Variants in TLL1 observed in about 807,000 individuals in gnomAD.
TLL1 encodes the protein tolloid like 1, also known as tolloid-like protein 1.
TLL1 carries 49 observed loss-of-function variants against 128.2 expected under a neutral mutation model. That is an observed-to-expected ratio of 0.38 (90% confidence interval 0.30 to 0.48). The LOEUF is 0.48. TLL1 is among the 20% of genes least tolerant of loss of function. The pLI is 0.96. For missense variants in TLL1, 1,123 were observed against 1,242.0 expected (o/e 0.90, Z 1.44); for synonymous variants, 454 against 418.8 (o/e 1.08, Z -1.03).
At position 165,900,210 on chromosome 4, in the gene TLL1, A is replaced by G. The variant is rs142765924; in HGVS notation, c.169+26137A>G. On this transcript the variant is annotated intron_variant, in intron 1 of 20. Transcript: ENST00000061240. ...TCCGATTTGCCAGTCTGTGTCTTTT[A>G]ATTGGGGCATTTAGCCTGTTTACAT... 2.4e-3 allele frequency among the ~76,000 whole-genome samples: 359 copies of G among 152,022 alleles called. 2 individuals carry two copies. In the East Asian group the frequency reaches 0.043, roughly 18 times the overall value.
At chr4:165,903,834 G>A (rs891102425) in intron 1 of TLL1, among the ~76,000 whole-genome samples, 1 of 151,786 alleles carries the variant, frequency 6.6e-6, no homozygotes, top group African/African-American at 2.4e-5. Context: ...CACATATTGT[G>A]GTATAATCTA....
chr4:166,005,519 T>C (rs773213511), intron 6 of TLL1, among the ~76,000 whole-genome samples: 3 of 151,872 alleles, frequency 2.0e-5, no homozygotes, highest in Non-Finnish European at 4.4e-5. Flanking sequence ...AAATAAATAA[T>C]TTGAAGAATG....
intron 15 of TLL1, among the ~76,000 whole-genome samples, chr4:166,064,295 C>T (rs1264471315): frequency 6.6e-6 from 1 of 152,034 alleles, no homozygotes; most frequent in Non-Finnish European, 1.5e-5. Flanking sequence ...GACATCTACT[C>T]CCATAGTTTT....
intron 1 of TLL1, among the ~76,000 whole-genome samples, chr4:165,899,481 C>T (rs971634799): frequency 1.3e-5 from 2 of 152,058 alleles, no homozygotes; most frequent in Non-Finnish European, 2.9e-5. Flanking sequence ...CGTTATTTAC[C>T]TAGTAGTCAT....
At chr4:166,070,771 C>T (rs1388163243) in intron 16 of TLL1, among the ~76,000 whole-genome samples, 1 of 151,796 alleles carries the variant, frequency 6.6e-6, no homozygotes, top group African/African-American at 2.4e-5. Context: ...CACTGTGTCT[C>T]GATATTTGTA....
intron 15 of TLL1, among the ~76,000 whole-genome samples, chr4:166,060,420 T>G (rs1192595457): frequency 6.6e-6 from 1 of 152,152 alleles, no homozygotes; most frequent in African/African-American, 2.4e-5. Context: ...TTAGTGTATT[T>G]AATATTTACC....
At chr4:165,944,744 A>G (rs1008812633) in intron 1 of TLL1, among the ~76,000 whole-genome samples, 13 of 152,054 alleles carry the variant, frequency 8.5e-5, no homozygotes, top group African/African-American at 3.1e-4. Context: ...TAGTGGAAAA[A>G]AATAAGATTG....
intron 1 of TLL1, among the ~76,000 whole-genome samples, chr4:165,898,422 G>C (rs1441204985): frequency 6.6e-6 from 1 of 152,142 alleles, no homozygotes; most frequent in African/African-American, 2.4e-5. Flanking sequence ...CTAGTTTATT[G>C]AGAGTTTTTA....
chr4:166,015,574 G>A (rs141028960), intron 8 of TLL1, among the ~76,000 whole-genome samples: 133 of 152,064 alleles, frequency 8.7e-4, no homozygotes, highest in African/African-American at 3.1e-3. Context: ...GGCCATAGAA[G>A]AGGGCTAGCT....
chr4:166,078,137 G>A, intron 18 of TLL1, 107 bp downstream of exon 18: 1 of 1,539,402 alleles, frequency 6.5e-7, no homozygotes, highest in East Asian at 2.3e-5. Context: ...CGAATCGTAG[G>A]CAGCTGGAAA....
At chr4:166,011,752 A>G (rs1737704843) in intron 7 of TLL1, among the ~76,000 whole-genome samples, 1 of 151,488 alleles carries the variant, frequency 6.6e-6, no homozygotes, top group Admixed American at 6.6e-5. Context: ...ACCATTGATT[A>G]TGACATTAGG....
At chr4:165,966,191 AAAAAAG>A (rs1411481874) in intron 1 of TLL1, among the ~76,000 whole-genome samples, 3 of 151,836 alleles carry the variant, frequency 2.0e-5, no homozygotes, top group Admixed American at 1.3e-4. Flanking sequence ...AAAAAAAAAA[AAAAAAG>A]AAGGATTAGA....
At chr4:165,966,256 C>A (rs1735368720) in intron 1 of TLL1, among the ~76,000 whole-genome samples, 1 of 150,586 alleles carries the variant, frequency 6.6e-6, no homozygotes, top group South Asian at 2.1e-4. Flanking sequence ...AAGGGTAGAA[C>A]AAAGCCATGA....
At chr4:165,948,047 C>T (rs893156824) in intron 1 of TLL1, among the ~76,000 whole-genome samples, 2 of 152,146 alleles carry the variant, frequency 1.3e-5, no homozygotes, top group South Asian at 2.1e-4. Context: ...TTGCCCAAAT[C>T]GTGGCATTTT....
chr4:165,883,360 T>C (rs1047464749), intron 1 of TLL1, among the ~76,000 whole-genome samples: 14 of 152,162 alleles, frequency 9.2e-5, no homozygotes, highest in Non-Finnish European at 1.5e-4. Flanking sequence ...TTAAAAATTA[T>C]TTTTTCAGGT....
chr4:166,080,214 T>G (rs1385431764), intron 18 of TLL1, among the ~76,000 whole-genome samples: 1 of 152,106 alleles, frequency 6.6e-6, no homozygotes, highest in Non-Finnish European at 1.5e-5. Context: ...TTTCTTTGTG[T>G]ATTCATAGAG....
intron 1 of TLL1, among the ~76,000 whole-genome samples, chr4:165,899,253 T>C (rs1731838101): frequency 1.3e-5 from 2 of 152,110 alleles, no homozygotes; most frequent in South Asian, 4.1e-4. Context: ...CTTTTTTTTG[T>C]CTTCTGCTAG....
intron 15 of TLL1, among the ~76,000 whole-genome samples, chr4:166,064,545 A>G (rs1740485680): frequency 6.6e-6 from 1 of 152,102 alleles, no homozygotes; most frequent in Non-Finnish European, 1.5e-5. Flanking sequence ...CTGTGTAGAA[A>G]GCTGTTACAG....
chr4:166,045,377 A>G (rs1039441188), intron 12 of TLL1, among the ~76,000 whole-genome samples: 4 of 152,152 alleles, frequency 2.6e-5, no homozygotes, highest in Non-Finnish European at 5.9e-5. Flanking sequence ...TTACCCAAGG[A>G]ACATCCTTAA....
Sources: allele counts gnomAD v4.1 joint callset (sites outside exome capture counted in the v4.1 genomes callset), GRCh38; gene constraint gnomAD v4.1.1; transcripts MANE v1.5; gene names NCBI Gene and HGNC (gene_info 2026-07-23, HGNC 2026-07-21).